Variants in TFB1M observed in about 807,000 individuals in gnomAD.
The protein encoded by TFB1M is transcription factor B1, mitochondrial, also known as dimethyladenosine transferase 1, mitochondrial.
Under a neutral mutation model 31.1 loss-of-function variants are expected in TFB1M, and 27 were observed. The observed-to-expected ratio is 0.87, with a 90% CI of 0.64 to 1.20. The LOEUF (loss-of-function observed/expected upper bound fraction) is 1.20. TFB1M is among the 50% of genes most tolerant of loss of function. The pLI is 0.00. For missense variants in TFB1M, 394 were observed against 418.7 expected (o/e 0.94, Z 0.51); for synonymous variants, 166 against 151.8 (o/e 1.09, Z -0.69).
the TFB1M span, among the ~76,000 whole-genome samples, chr6:155,243,200 C>A: frequency 6.6e-6 from 1 of 152,050 alleles, no homozygotes; most frequent in Non-Finnish European, 1.5e-5. Context: ...TTTTTTATTG[C>A]CTTTGAATAT....
the TFB1M span, chr6:155,243,916 A>G: frequency 1.5e-6 from 1 of 685,666 alleles, no homozygotes; most frequent in East Asian, 3.9e-5. Flanking sequence ...TCCTGATGGG[A>G]GCCTTGGGAG....
chr6:155,305,537 TTA>T lies in TFB1M; in HGVS notation c.285+5649_285+5650del, dbSNP rs1196939524. Among the ~76,000 whole-genome samples the T allele has an allele frequency of 2.0e-4, 11 of 54,532 alleles. 2 individuals carry two copies. The highest frequency in any genetic ancestry group is 2.6e-4 in the African/African-American group (3 of 11,560). 35.8% of individuals were successfully genotyped at this position (54,532 alleles called of 152,430 possible). A position where few individuals can be genotyped will look rare whatever the true frequency, so the allele number is the denominator to read the frequency against. ...TTTATATATATATTAAATTATATAT[TTA>T]TATATATAAATATATATTAAATTAT... is the stretch of plus-strand genomic sequence containing the variant. On this transcript the variant is annotated intron_variant, in intron 2 of 6. Coordinates refer to ENST00000367166, the MANE Select transcript of TFB1M (RefSeq NM_016020.4).
intron 5 of TFB1M, among the ~76,000 whole-genome samples, chr6:155,275,160 A>G (rs1785120876): frequency 6.6e-6 from 1 of 152,092 alleles, no homozygotes; most frequent in South Asian, 2.1e-4. Context: ...CAGGAGGTGG[A>G]GCTTGCAGTG....
the TFB1M span, among the ~76,000 whole-genome samples, chr6:155,241,786 C>G: frequency 6.6e-6 from 1 of 152,192 alleles, no homozygotes; most frequent in South Asian, 2.1e-4. Context: ...ATGAAGTGAA[C>G]AGCCAGGCTG....
At chr6:155,246,824 G>A in the TFB1M span, among the ~76,000 whole-genome samples, 1 of 152,210 alleles carries the variant, frequency 6.6e-6, no homozygotes, top group East Asian at 1.9e-4. Context: ...AAATGGTATT[G>A]CATCTCCTAG....
chr6:155,295,847 T>C (rs1259326151), intron 4 of TFB1M, among the ~76,000 whole-genome samples: 1 of 152,102 alleles, frequency 6.6e-6, no homozygotes, highest in Non-Finnish European at 1.5e-5. Context: ...ACAAATAATG[T>C]AGAGATGATT....
At chr6:155,296,852 T>A in intron 4 of TFB1M, 101 bp downstream of exon 4, 1 of 1,141,858 alleles carries the variant, frequency 8.8e-7, no homozygotes, top group Non-Finnish European at 1.3e-6. Flanking sequence ...TGTAATAAGA[T>A]ATTAACTTAG....
At chr6:155,307,174 CACAG>C (rs1562427519) in intron 2 of TFB1M, among the ~76,000 whole-genome samples, 2 of 151,728 alleles carry the variant, frequency 1.3e-5, no homozygotes, top group East Asian at 1.9e-4. Flanking sequence ...CACATATACA[CACAG>C]ACAAATCCTC....
intron 5 of TFB1M, among the ~76,000 whole-genome samples, chr6:155,274,257 G>A (rs1462079962): frequency 2.6e-5 from 4 of 152,202 alleles, no homozygotes; most frequent in Non-Finnish European, 4.4e-5. Context: ...CAGTACTGCA[G>A]TATTTCAGAA....
the TFB1M span, among the ~76,000 whole-genome samples, chr6:155,238,251 A>G: frequency 4.6e-5 from 7 of 152,316 alleles, no homozygotes; most frequent in African/African-American, 1.7e-4. Context: ...CAAGTTCCTC[A>G]TCTCCATCTG....
the TFB1M span, chr6:155,244,694 G>C: frequency 6.2e-7 from 1 of 1,614,084 alleles, no homozygotes; most frequent in East Asian, 2.2e-5. Flanking sequence ...AGAGATGCTT[G>C]AGTTTCAGAA....
chr6:155,230,624 G>C, the TFB1M span, among the ~76,000 whole-genome samples: 2,411 of 152,028 alleles, frequency 0.016, 46 homozygotes, highest in South Asian at 0.06. Context: ...TAAGTGGTAG[G>C]AAAAGATTCC....
At chr6:155,285,053 G>T in intron 5 of TFB1M, 105 bp downstream of exon 5, 1 of 1,425,370 alleles carries the variant, frequency 7.0e-7, no homozygotes, top group Non-Finnish European at 9.9e-7. Flanking sequence ...GTGTCAGTTT[G>T]CACATAAACA....
the TFB1M span, chr6:155,244,176 A>T: frequency 1.1e-4 from 133 of 1,192,742 alleles, no homozygotes; most frequent in African/African-American, 1.8e-3. Context: ...GTTGATCCCA[A>T]AAGAACATCC....
At chr6:155,251,061 C>A in the TFB1M span, 1 of 1,576,862 alleles carries the variant, frequency 6.3e-7, no homozygotes, top group Non-Finnish European at 8.7e-7. Flanking sequence ...TGAACAGAGG[C>A]TGGGATTACG....
At chr6:155,245,073 G>A in the TFB1M span, among the ~76,000 whole-genome samples, 1 of 152,180 alleles carries the variant, frequency 6.6e-6, no homozygotes, top group African/African-American at 2.4e-5. Flanking sequence ...GGATATCCAA[G>A]GTGGTTGCTT....
chr6:155,314,239 G>C, intron 1 of TFB1M, 57 bp downstream of exon 1: 1 of 1,601,404 alleles, frequency 6.2e-7, no homozygotes, highest in Non-Finnish European at 8.5e-7. Context: ...AGACCCCCCG[G>C]CCCACGCCCC....
At chr6:155,298,154 T>TC (rs1777261020) in intron 3 of TFB1M, among the ~76,000 whole-genome samples, 1 of 152,232 alleles carries the variant, frequency 6.6e-6, no homozygotes, top group African/African-American at 2.4e-5. Context: ...CTAAAGCACT[T>TC]CTTTTTTTCC....
At position 155,256,377 on chromosome 6, in the gene TFB1M, C is replaced by T; in HGVS notation, c.*1459G>A. The stretch of plus-strand genomic sequence containing the variant: ...GGATAGTTGCTAACTGAAGTCATAT[C>T]ATAAAATAAAATCTTAATGTTAAAT... On this transcript the variant is annotated 3_prime_UTR_variant, in exon 7 of 7. Coordinates refer to ENST00000367166, the MANE Select transcript of TFB1M (RefSeq NM_016020.4). The T allele has an allele frequency of 6.6e-7, 1 of 1,504,270 alleles. No individual in the cohort carries two copies. Among genetic ancestry groups the T allele is most frequent in the Non-Finnish European group, 9.0e-7 (1 of 1,114,962 alleles). 93.2% of individuals were successfully genotyped at this position (1,504,270 alleles called of 1,614,324 possible). A position where few individuals can be genotyped will look rare whatever the true frequency, so the allele number is the denominator to read the frequency against.
Sources: allele counts gnomAD v4.1 joint callset (sites outside exome capture counted in the v4.1 genomes callset), GRCh38; gene constraint gnomAD v4.1.1; transcripts MANE v1.5; gene names NCBI Gene and HGNC (gene_info 2026-07-23, HGNC 2026-07-21).